MCC: variants seen among roughly 807,000 people sequenced by gnomAD.
The protein encoded by MCC is colorectal mutant cancer protein.
Under a neutral mutation model 116.2 loss-of-function variants are expected in MCC, and 90 were observed. That is an observed-to-expected ratio of 0.77 (90% confidence interval 0.65 to 0.92). MCC has a LOEUF of 0.92. MCC is among the 40% of genes least tolerant of loss of function. The probability of loss-of-function intolerance (pLI) is 0.00; values close to 1 mark genes in which losing one functional copy is unlikely to be tolerated. For missense variants in MCC, 1,516 were observed against 1,312.2 expected (o/e 1.16, Z -2.40); for synonymous variants, 578 against 510.5 (o/e 1.13, Z -1.78).
At chr5:113,138,878 C>T (rs938468339) in intron 5 of MCC, among the ~76,000 whole-genome samples, 2 of 152,176 alleles carry the variant, frequency 1.3e-5, no homozygotes, top group African/African-American at 4.8e-5. Flanking sequence ...ATGATTGATA[C>T]ATCTTCCCCT....
At chr5:113,177,480 T>C (rs1761398257) in intron 3 of MCC, among the ~76,000 whole-genome samples, 1 of 152,222 alleles carries the variant, frequency 6.6e-6, no homozygotes, top group African/African-American at 2.4e-5. Flanking sequence ...CTCAGGTACA[T>C]AACCATGGAA....
intron 1 of MCC, among the ~76,000 whole-genome samples, chr5:113,451,166 T>C (rs1771381788): frequency 6.6e-6 from 1 of 152,206 alleles, no homozygotes; most frequent in South Asian, 2.1e-4. Flanking sequence ...ACCTATAAGA[T>C]GCTTTATCTC....
chr5:113,155,765 TAG>T (rs1411916479), intron 3 of MCC, among the ~76,000 whole-genome samples: 1 of 152,230 alleles, frequency 6.6e-6, no homozygotes, highest in Non-Finnish European at 1.5e-5. Context: ...ACATGCTGTT[TAG>T]AGTCTGTGCT....
chr5:113,412,498 G>T (rs578159072), intron 1 of MCC, among the ~76,000 whole-genome samples: 9 of 152,300 alleles, frequency 5.9e-5, no homozygotes, highest in Admixed American at 3.3e-4. Context: ...TCCCTTGTAA[G>T]TTGGATTCCT....
At chr5:113,461,739 A>G (rs1282671774) in intron 1 of MCC, among the ~76,000 whole-genome samples, 1 of 102,774 alleles carries the variant, frequency 9.7e-6, no homozygotes, top group African/African-American at 4.4e-5. Flanking sequence ...AACAACTTGC[A>G]CCAGTAAAAA....
At chr5:113,074,722 C>G (rs1580995301) in intron 11 of MCC, among the ~76,000 whole-genome samples, 1 of 152,316 alleles carries the variant, frequency 6.6e-6, no homozygotes, top group South Asian at 2.1e-4. Context: ...AACCACGGCA[C>G]AAGAACTACA....
chr5:113,064,213 A>G (rs780480554), intron 13 of MCC, 46 bp from the exon 14 acceptor site: 1 of 1,534,692 alleles, frequency 6.5e-7, no homozygotes, highest in Non-Finnish European at 8.9e-7. Context: ...AGGCCTGGAC[A>G]AGGCACGCCT....
At chr5:113,088,783 T>C (rs1259542552) in intron 8 of MCC, among the ~76,000 whole-genome samples, 1 of 152,108 alleles carries the variant, frequency 6.6e-6, no homozygotes, top group East Asian at 1.9e-4. Flanking sequence ...TATGAGAGTT[T>C]GTAGTAATCC....
intron 2 of MCC, among the ~76,000 whole-genome samples, chr5:113,376,596 CACACACACACAT>C (rs1768987000): frequency 6.6e-6 from 1 of 152,016 alleles, no homozygotes; most frequent in African/African-American, 2.4e-5. Context: ...CACACACACA[CACACACACACAT>C]ATCAGTATTA....
At chr5:113,086,836 G>A (rs1005457120) in intron 8 of MCC, among the ~76,000 whole-genome samples, 1 of 152,178 alleles carries the variant, frequency 6.6e-6, no homozygotes, top group African/African-American at 2.4e-5. Context: ...AACAGAATGT[G>A]TACTAGAATC....
intron 8 of MCC, among the ~76,000 whole-genome samples, chr5:113,089,829 G>C (rs1417678439): frequency 6.6e-6 from 1 of 152,208 alleles, no homozygotes; most frequent in African/African-American, 2.4e-5. Context: ...CAAACTTGTA[G>C]CTGGGGTGAT....
intron 1 of MCC, among the ~76,000 whole-genome samples, chr5:113,468,608 A>C (rs941481618): frequency 6.6e-6 from 1 of 152,186 alleles, no homozygotes; most frequent in Non-Finnish European, 1.5e-5. Context: ...GGATTTTTGC[A>C]TCGATGTTCA....
chr5:113,459,133 A>ATGTGTATGTGTGTGTG (rs762493058), intron 1 of MCC, among the ~76,000 whole-genome samples: 16 of 68,360 alleles, frequency 2.3e-4, no homozygotes, highest in African/African-American at 9.3e-4. Flanking sequence ...GAGTAAGGAT[A>ATGTGTATGTGTGTGTG]TGTGTGTGTG....
intron 2 of MCC, among the ~76,000 whole-genome samples, chr5:113,355,887 A>G (rs1340730772): frequency 6.6e-6 from 1 of 152,118 alleles, no homozygotes; most frequent in African/African-American, 2.4e-5. Flanking sequence ...AACAGCCACT[A>G]AGCAGTTTCT....
intron 1 of MCC, among the ~76,000 whole-genome samples, chr5:113,478,810 C>T (rs1772299118): frequency 6.6e-6 from 1 of 152,182 alleles, no homozygotes; most frequent in East Asian, 1.9e-4. Context: ...GCCAGTCTCA[C>T]AGAGAGTCCT....
intron 13 of MCC, 116 bp downstream of exon 13, chr5:113,067,964 T>G (rs1753738212): frequency 1.1e-6 from 1 of 880,388 alleles, no homozygotes; most frequent in Non-Finnish European, 1.9e-6. Context: ...AAAAACACAC[T>G]TGACAACCAA....
In MCC at chr5:113,023,340, T is replaced by A. The variant is rs1015542193; in HGVS notation, c.*3962A>T. 2 of 152,218 alleles carry A rather than the reference T, an allele frequency of 1.3e-5. No individual in the cohort carries two copies. The highest frequency in any genetic ancestry group is 4.8e-5 in the African/African-American group (2 of 41,456). 9.4% of individuals were successfully genotyped at this position (152,218 alleles called of 1,614,324 possible). On this transcript the variant is annotated 3_prime_UTR_variant, in exon 19 of 19. Coordinates refer to ENST00000408903, the MANE Select transcript of MCC (RefSeq NM_001085377.2). ...TAAACTCTATAAGAGTGCTCAAAGG[T>A]GAATCAAACTTGTATATCATTCCTT...
chr5:113,095,492 C>A (rs963352571), intron 8 of MCC, among the ~76,000 whole-genome samples: 16 of 152,132 alleles, frequency 1.1e-4, no homozygotes, highest in African/African-American at 3.6e-4. Context: ...GAAATATGTT[C>A]TGGGCTATTA....
chr5:113,305,288 CAT>C (rs576071194), intron 3 of MCC, among the ~76,000 whole-genome samples: 8 of 152,174 alleles, frequency 5.3e-5, no homozygotes, highest in South Asian at 2.1e-4. Flanking sequence ...ATGATTATCA[CAT>C]GAGCTCAAAC....
Sources: gnomAD v4.1 joint callset for allele counts (sites outside exome capture counted in the v4.1 genomes callset) on GRCh38, gnomAD v4.1.1 for gene constraint, MANE v1.5 for transcripts, NCBI Gene and HGNC (gene_info 2026-07-23, HGNC 2026-07-21) for gene names.